PCDHA4: variants seen among roughly 807,000 people sequenced by gnomAD.
PCDHA4 encodes the protein protocadherin alpha 4.
Under a neutral mutation model 61.4 loss-of-function variants are expected in PCDHA4, and 49 were observed. The ratio of observed to expected loss-of-function variants is 0.80; its 90% CI spans 0.63 to 1.01. The LOEUF (loss-of-function observed/expected upper bound fraction) is 1.01. PCDHA4 is among the 50% of genes least tolerant of loss of function. The probability of loss-of-function intolerance (pLI) is 0.00; values close to 1 mark genes in which losing one functional copy is unlikely to be tolerated. For synonymous variants in PCDHA4, 590 were observed against 550.3 expected, an observed-to-expected ratio of 1.07 and a Z score of -1.01; for missense variants, 1,254 against 1,235.8, an observed-to-expected ratio of 1.01 and a Z score of -0.22.
chr5:140,870,475 G>T, intron 1 of PCDHA4: 2 of 1,614,214 alleles, frequency 1.2e-6, no homozygotes, highest in Non-Finnish European at 1.7e-6. Flanking sequence ...CGCACAGCCC[G>T]AGTACACCGT....
chr5:141,003,151 C>T (rs1554258934), intron 3 of PCDHA4, among the ~76,000 whole-genome samples: 2 of 152,224 alleles, frequency 1.3e-5, no homozygotes, highest in African/African-American at 2.4e-5. Flanking sequence ...AGACTCTGAC[C>T]TGATCAATCC....
intron 1 of PCDHA4, among the ~76,000 whole-genome samples, chr5:140,837,516 C>G (rs1775087693): frequency 1.3e-5 from 2 of 151,568 alleles, no homozygotes; most frequent in Admixed American, 6.6e-5. Flanking sequence ...AAGCAGTTTA[C>G]TTTTTTTGTA....
At chr5:140,997,840 A>G (rs2097788062) in intron 3 of PCDHA4, among the ~76,000 whole-genome samples, 2 of 152,216 alleles carry the variant, frequency 1.3e-5, no homozygotes, top group Non-Finnish European at 2.9e-5. Flanking sequence ...AATACAATAT[A>G]CATTCTTATA....
In PCDHA4 at chr5:140,883,821, A is replaced by T; in HGVS notation, c.2385+74249A>T. ...GTGCACGCGGAGAGCGGCAAGGTGT[A>T]CGCGCTGCAGCCGTTGGACCACGAG... On this transcript the variant is annotated intron_variant, in intron 1 of 3. Transcript: ENST00000530339. 6.2e-7 allele frequency: 1 copy of T among 1,612,450 alleles called. No individual in the cohort carries two copies. The highest frequency in any genetic ancestry group is 8.5e-7 in the Non-Finnish European group (1 of 1,179,756).
At chr5:140,962,719 T>G (rs928199903) in intron 1 of PCDHA4, among the ~76,000 whole-genome samples, 1 of 152,224 alleles carries the variant, frequency 6.6e-6, no homozygotes, top group Non-Finnish European at 1.5e-5. Flanking sequence ...TTGGAAAGTA[T>G]TTTCCTTCTG....
chr5:140,970,423 G>A (rs2096404787), intron 1 of PCDHA4, among the ~76,000 whole-genome samples: 1 of 151,762 alleles, frequency 6.6e-6, no homozygotes, highest in Admixed American at 6.6e-5. Context: ...AAGGTGTAGA[G>A]GCAGGTGTTA....
At chr5:140,841,317 T>A in intron 1 of PCDHA4, 1 of 1,600,298 alleles carries the variant, frequency 6.2e-7, no homozygotes, top group Non-Finnish European at 8.5e-7. Flanking sequence ...AAACGACTAT[T>A]TAACATGGAT....
intron 3 of PCDHA4, among the ~76,000 whole-genome samples, chr5:140,994,802 C>T (rs541054161): frequency 7.9e-5 from 12 of 152,066 alleles, no homozygotes; most frequent in Non-Finnish European, 1.6e-4. Flanking sequence ...CATGCAAAAA[C>T]AAAATACAAA....
At chr5:140,828,399 G>A in intron 1 of PCDHA4, 1 of 1,614,300 alleles carries the variant, frequency 6.2e-7, no homozygotes, top group Non-Finnish European at 8.5e-7. Flanking sequence ...GCGGAGTGCA[G>A]CATCCACCTG....
At chr5:140,962,625 A>C (rs2095697493) in intron 1 of PCDHA4, among the ~76,000 whole-genome samples, 1 of 152,228 alleles carries the variant, frequency 6.6e-6, no homozygotes, top group Non-Finnish European at 1.5e-5. Context: ...GAGATGTGAA[A>C]AAATTTAGCC....
intron 1 of PCDHA4, chr5:140,853,906 C>T (rs2042902737): frequency 2.1e-6 from 2 of 955,058 alleles, no homozygotes; most frequent in African/African-American, 1.8e-5. Flanking sequence ...GGTGGCCTGA[C>T]ACCTGCAATC....
chr5:140,819,450 C>T (rs940484263), intron 1 of PCDHA4, among the ~76,000 whole-genome samples: 2 of 151,990 alleles, frequency 1.3e-5, no homozygotes, highest in African/African-American at 4.8e-5. Flanking sequence ...ATTTTTTTCT[C>T]AAGGAAGAAC....
At chr5:140,883,547 G>GC in intron 1 of PCDHA4, 5 of 1,614,234 alleles carry the variant, frequency 3.1e-6, no homozygotes, top group Non-Finnish European at 3.4e-6. Context: ...GGTGGTGACC[G>GC]CGCGGGACGG....
intron 1 of PCDHA4, chr5:140,851,778 A>G: frequency 3.1e-6 from 3 of 964,858 alleles, no homozygotes; most frequent in Non-Finnish European, 3.8e-6. Context: ...ATGAATTTAG[A>G]TGAGAATTCA....
At chr5:140,895,273 A>T (rs2064941325) in intron 1 of PCDHA4, among the ~76,000 whole-genome samples, 2 of 151,970 alleles carry the variant, frequency 1.3e-5, no homozygotes, top group South Asian at 4.1e-4. Context: ...TTACTCAGGG[A>T]TAATTGAATT....
At chr5:140,967,535 T>C in intron 1 of PCDHA4, 3 of 1,613,746 alleles carry the variant, frequency 1.9e-6, no homozygotes, top group Non-Finnish European at 2.5e-6. Context: ...CTCTCCTGCC[T>C]TTGACCAGTC....
chr5:140,907,235 T>C, intron 1 of PCDHA4, among the ~76,000 whole-genome samples: 1 of 152,234 alleles, frequency 6.6e-6, no homozygotes, highest in East Asian at 1.9e-4. Context: ...TGTCACCTAG[T>C]TGACATTGTA....
intron 1 of PCDHA4, among the ~76,000 whole-genome samples, chr5:140,976,508 G>A (rs1039409709): frequency 6.6e-6 from 1 of 151,976 alleles, no homozygotes; most frequent in Non-Finnish European, 1.5e-5. Context: ...CCAAGATCGC[G>A]CCACTGCACA....
rs1230659356 is a variant in PCDHA4, at chr5:140,825,430, T to G, written c.2385+15858T>G. 4 of 147,522 alleles carry G rather than the reference T, an allele frequency of 2.7e-5. No homozygotes were observed. In the East Asian group the frequency reaches 7.8e-4, roughly 29 times the overall value. The allele number at this position is 147,522 out of a possible 1,614,324, so 9.1% of individuals were successfully genotyped here. ...TATTTTATATAATATATATAATAAA[T>G]ATATAATAATAATATATATCAGATA... On this transcript the variant is annotated intron_variant, in intron 1 of 3. Transcript: ENST00000530339.
Sources: allele counts gnomAD v4.1 joint callset (sites outside exome capture counted in the v4.1 genomes callset), GRCh38; gene constraint gnomAD v4.1.1; transcripts MANE v1.5; gene names NCBI Gene and HGNC (gene_info 2026-07-23, HGNC 2026-07-21).